ZNF787: variants seen among roughly 807,000 people sequenced by gnomAD.
The protein encoded by ZNF787 is TTF-I-interacting peptide 20.
In ZNF787, 7 loss-of-function variants were observed where a neutral mutation model predicts 16.9. The observed-to-expected ratio is 0.42, with a 90% CI of 0.24 to 0.78. The LOEUF (loss-of-function observed/expected upper bound fraction) is 0.78. Ranked by LOEUF, ZNF787 falls within the 30% of genes least tolerant of loss-of-function variation. The probability of loss-of-function intolerance (pLI) is 0.30; values close to 1 mark genes in which losing one functional copy is unlikely to be tolerated. For missense variants in ZNF787, 551 were observed against 589.3 expected (o/e 0.94, Z 0.67); for synonymous variants, 345 against 270.9 (o/e 1.27, Z -2.69).
At position 56,118,816 on chromosome 19, in the gene ZNF787, G is replaced by A. The variant is rs865839176; in HGVS notation, c.-11+2356C>T. ...TCTGAGGATGGGTGTCCTGAGAGCT[G>A]TGTATGCCTAGTAACAAAAGACCTC... On this transcript the variant is annotated intron_variant, in intron 1 of 2. Coordinates refer to ENST00000610935, the MANE Select transcript of ZNF787 (RefSeq NM_001002836.4). 4.6e-5 allele frequency among the ~76,000 whole-genome samples: 7 copies of A among 152,280 alleles called. No homozygotes were observed. The South Asian group carries it at 1.2e-3, about 27-fold the overall frequency.
In ZNF787 at chr19:56,099,726, G is replaced by A. The variant is rs117065906; in HGVS notation, c.79+3413C>T. Among the ~76,000 whole-genome samples the A allele has an allele frequency of 8.5e-3, 453 of 53,506 alleles. 3 individuals carry two copies. Among genetic ancestry groups the A allele is most frequent in the Middle Eastern group, 0.042 (3 of 72 alleles). 35.1% of individuals were successfully genotyped at this position (53,506 alleles called of 152,430 possible). The stretch of plus-strand genomic sequence containing the variant: ...GCTCCGTCTCAAAAAAAAAAAAAAA[G>A]AAAAGAGAGAGAGAGAAAGGACGAG... On this transcript the variant is annotated intron_variant, in intron 2 of 2. Transcript: ENST00000610935.
chr19:56,116,397 A>C (rs939390928), intron 1 of ZNF787, among the ~76,000 whole-genome samples: 2 of 151,976 alleles, frequency 1.3e-5, no homozygotes, highest in Non-Finnish European at 2.9e-5. Flanking sequence ...AGCCAAGATC[A>C]CGCCACTGCA....
intron 1 of ZNF787, among the ~76,000 whole-genome samples, chr19:56,108,977 T>A (rs1040768645): frequency 1.3e-5 from 2 of 151,948 alleles, no homozygotes; most frequent in African/African-American, 4.8e-5. Context: ...AGGTTCCGAA[T>A]GGGGAAACCG....
At chr19:56,102,144 T>C (rs1438497847) in intron 2 of ZNF787, 3 of 152,254 alleles carry the variant, frequency 2.0e-5, no homozygotes, top group African/African-American at 7.2e-5. Flanking sequence ...CCCCGGTCTT[T>C]GTATGGGACG....
At chr19:56,089,443 GC>G (rs1985486756) in intron 2 of ZNF787, among the ~76,000 whole-genome samples, 1 of 152,164 alleles carries the variant, frequency 6.6e-6, no homozygotes, top group South Asian at 2.1e-4. Context: ...CAAAACACCA[GC>G]CTGGACGCCG....
chr19:56,092,783 C>T (rs923651136), intron 2 of ZNF787, among the ~76,000 whole-genome samples: 11 of 151,562 alleles, frequency 7.3e-5, no homozygotes, highest in African/African-American at 2.7e-4. Context: ...CATGAGATGG[C>T]GGAACTGGGA....
intron 1 of ZNF787, among the ~76,000 whole-genome samples, chr19:56,111,282 G>A (rs1269382903): frequency 6.6e-6 from 1 of 152,158 alleles, no homozygotes; most frequent in Non-Finnish European, 1.5e-5. Context: ...CAGGGACCTG[G>A]GGCAAGGCCT....
Position 56,087,607 on chromosome 19 carries a change from G to A in ZNF787, c.*416C>T, listed in dbSNP as rs114577962. ...AATTCTAAAAGAGAAAAGGGCCCCT[G>A]GTTCTCTTCCCTCTCTGGGATCCTC... On this transcript the variant is annotated 3_prime_UTR_variant, in exon 3 of 3. Transcript: ENST00000610935. 1,099 of 160,860 alleles carry A rather than the reference G, an allele frequency of 6.8e-3. 18 individuals carry two copies. The highest frequency in any genetic ancestry group is 0.025 in the African/African-American group (1,040 of 41,858). 10.0% of individuals were successfully genotyped at this position (160,860 alleles called of 1,614,324 possible). A position where few individuals can be genotyped will look rare whatever the true frequency, so the allele number is the denominator to read the frequency against.
chr19:56,100,268 C>A (rs930721181), intron 2 of ZNF787, among the ~76,000 whole-genome samples: 2 of 151,700 alleles, frequency 1.3e-5, no homozygotes, highest in Admixed American at 6.6e-5. Context: ...CATAGACACC[C>A]TGCCCCATGA....
intron 2 of ZNF787, chr19:56,102,692 G>A (rs1299449527): frequency 2.4e-5 from 13 of 542,814 alleles, no homozygotes; most frequent in East Asian, 5.9e-5. Context: ...CTGAAAAGTC[G>A]GCATCAGCCT....
chr19:56,115,145 A>G (rs1050227097), intron 1 of ZNF787, among the ~76,000 whole-genome samples: 10 of 151,930 alleles, frequency 6.6e-5, no homozygotes, highest in Non-Finnish European at 1.3e-4. Flanking sequence ...TGGTGGGGAA[A>G]GCTCTACACA....
At chr19:56,103,399 C>A (rs2279413) in intron 1 of ZNF787, 172 bp from the exon 2 acceptor site, 23 of 535,766 alleles carry the variant, frequency 4.3e-5, no homozygotes, top group Admixed American at 4.0e-4. Context: ...CTAGCCTGGC[C>A]GCTCCCCACT....
intron 1 of ZNF787, among the ~76,000 whole-genome samples, chr19:56,111,122 G>T (rs1322108557): frequency 6.6e-6 from 1 of 152,216 alleles, no homozygotes; most frequent in Non-Finnish European, 1.5e-5. Context: ...TTTACTATGT[G>T]GCCCACTGCA....
intron 2 of ZNF787, among the ~76,000 whole-genome samples, chr19:56,094,518 A>C (rs1008865234): frequency 4.0e-5 from 6 of 151,030 alleles, no homozygotes; most frequent in African/African-American, 1.5e-4. Flanking sequence ...TCTTGCCTTC[A>C]ATTTTTTTAA....
chr19:56,117,997 G>A (rs1009316676), intron 1 of ZNF787, among the ~76,000 whole-genome samples: 9 of 152,246 alleles, frequency 5.9e-5, no homozygotes, highest in Admixed American at 1.3e-4. Flanking sequence ...CTCAGGCCAC[G>A]GCAGAGACGG....
chr19:56,121,035 C>G (rs1242940487), intron 1 of ZNF787, 137 bp downstream of exon 1: 1 of 140,166 alleles, frequency 7.1e-6, no homozygotes, highest in African/African-American at 2.6e-5. Flanking sequence ...TCACGCCCCC[C>G]CAGCAGCGCG....
chr19:56,116,356 G>A (rs1229151761), intron 1 of ZNF787, among the ~76,000 whole-genome samples: 3 of 151,954 alleles, frequency 2.0e-5, no homozygotes, highest in Non-Finnish European at 4.4e-5. Context: ...GCAGGAGAAT[G>A]GCATAAACCC....
intron 2 of ZNF787, chr19:56,102,755 G>C: frequency 1.7e-6 from 1 of 600,470 alleles, no homozygotes; most frequent in Non-Finnish European, 3.0e-6. Flanking sequence ...TTCCTGCCAG[G>C]GAGGGCCACA....
intron 2 of ZNF787, among the ~76,000 whole-genome samples, chr19:56,097,881 A>G (rs1375797840): frequency 6.6e-6 from 1 of 152,142 alleles, no homozygotes; most frequent in African/African-American, 2.4e-5. Context: ...AGTGACCTCC[A>G]GTAAGAGATG....
Sources: gnomAD v4.1 joint callset for allele counts (sites outside exome capture counted in the v4.1 genomes callset) on GRCh38, gnomAD v4.1.1 for gene constraint, MANE v1.5 for transcripts, NCBI Gene and HGNC (gene_info 2026-07-23, HGNC 2026-07-21) for gene names.